ERBB4: variants seen among roughly 807,000 people sequenced by gnomAD.
ERBB4 encodes the protein erb-b2 receptor tyrosine kinase 4, also known as receptor tyrosine-protein kinase erbB-4.
In ERBB4, 42 loss-of-function variants were observed where a neutral mutation model predicts 158.0. The observed-to-expected ratio is 0.27, with a 90% CI of 0.21 to 0.34. The LOEUF is 0.34. Among genes scored for constraint, ERBB4 ranks in the 10% least tolerant of loss-of-function variants. The pLI is 1.00. For missense variants in ERBB4, 1,333 were observed against 1,624.1 expected, an observed-to-expected ratio of 0.82 and a Z score of 3.08; for synonymous variants, 583 against 558.7, an observed-to-expected ratio of 1.04 and a Z score of -0.61.
chr2:211,816,074 C>T (rs1170888254), intron 3 of ERBB4, among the ~76,000 whole-genome samples: 1 of 152,126 alleles, frequency 6.6e-6, no homozygotes, highest in Non-Finnish European at 1.5e-5. Flanking sequence ...CTTTCCCCAG[C>T]TTGCAGATGG....
chr2:212,478,992 G>A lies in ERBB4; in HGVS notation c.82+59457C>T, dbSNP rs184025645. Among the ~76,000 whole-genome samples the A allele has an allele frequency of 2.0e-5, 3 of 152,146 alleles. No individual in the cohort carries two copies. The East Asian group carries it at 5.8e-4, about 29-fold the overall frequency. On this transcript the variant is annotated intron_variant, in intron 1 of 27. Transcript: ENST00000342788. ...CTTACAGCATTGCTATGCTTTTGTT[G>A]TATCATTATTGCCCCACTGGGCACT...
rs113837745 is a variant in ERBB4, at chr2:212,334,727, C to T, written c.82+203722G>A. On this transcript the variant is annotated intron_variant, in intron 1 of 27. Transcript: ENST00000342788. ...ATGAATGAATGAACATAAAAAGCTACCTCTCAAGATTCATATTTATTAAAA... is the reference window on the plus strand; with the variant it reads ...ATGAATGAATGAACATAAAAAGCTATCTCTCAAGATTCATATTTATTAAAA... 4.6e-5 allele frequency among the ~76,000 whole-genome samples: 7 copies of T among 152,008 alleles called. 1 individual carries two copies. Among genetic ancestry groups the T allele is most frequent in the African/African-American group, 1.7e-4 (7 of 41,522 alleles).
Position 211,713,650 on chromosome 2 carries a change from T to TG in ERBB4, c.884-3dup. 2 of 1,522,974 alleles carry TG rather than the reference T, an allele frequency of 1.3e-6. No homozygotes were observed. The highest frequency in any genetic ancestry group is 1.8e-6 in the Non-Finnish European group (2 of 1,111,604). The allele number at this position is 1,522,974 out of a possible 1,614,324, so 94.3% of individuals were successfully genotyped here. On this transcript the variant is annotated splice_polypyrimidine_tract_variant and splice_region_variant and intron_variant, in intron 7 of 27. Transcript: ENST00000342788. ...AACTGGAATCTACCACAAAGTTATC[T>TG]GATTAAAAAAAAAAAAAAGGTAAAA...
At position 212,425,413 on chromosome 2, in the gene ERBB4, T is replaced by TAC. The variant is rs201032417; in HGVS notation, c.82+113035_82+113036insGT. 9.2e-3 allele frequency among the ~76,000 whole-genome samples: 1,092 copies of TAC among 118,100 alleles called. 10 individuals are homozygous for TAC. Among genetic ancestry groups the TAC allele is most frequent in the African/African-American group, 0.046 (1,031 of 22,240 alleles). 77.5% of individuals were successfully genotyped at this position (118,100 alleles called of 152,430 possible). On this transcript the variant is annotated intron_variant, in intron 1 of 27. Coordinates refer to ENST00000342788, the MANE Select transcript of ERBB4 (RefSeq NM_005235.3). ...ATGTATATGTATACATATATATGTA[T>TAC]ATACACACATATGTATCCTTATATA...
chr2:211,549,506 A>G (rs1453219869), intron 20 of ERBB4, among the ~76,000 whole-genome samples: 1 of 152,108 alleles, frequency 6.6e-6, no homozygotes, highest in Non-Finnish European at 1.5e-5. Context: ...AGGACTGAGT[A>G]GCATGAGTCA....
intron 2 of ERBB4, among the ~76,000 whole-genome samples, chr2:212,022,527 T>C (rs1033266543): frequency 1.3e-5 from 2 of 151,980 alleles, no homozygotes; most frequent in East Asian, 3.9e-4. Flanking sequence ...CACTGGGACC[T>C]GTCAGGGGAG....
intron 3 of ERBB4, among the ~76,000 whole-genome samples, chr2:211,791,262 T>C (rs1345230974): frequency 1.3e-5 from 2 of 151,938 alleles, no homozygotes; most frequent in East Asian, 1.9e-4. Context: ...TTTGTTTAGA[T>C]GTTTATCTAA....
At chr2:212,425,322 G>A (rs1269837179) in intron 1 of ERBB4, among the ~76,000 whole-genome samples, 1 of 115,432 alleles carries the variant, frequency 8.7e-6, no homozygotes, top group Non-Finnish European at 1.6e-5. Flanking sequence ...TATATGTGTT[G>A]GATAAATATA....
At chr2:211,502,368 G>A (rs2065638887) in intron 20 of ERBB4, among the ~76,000 whole-genome samples, 1 of 152,076 alleles carries the variant, frequency 6.6e-6, no homozygotes, top group Admixed American at 6.6e-5. Flanking sequence ...ATATTGAGTG[G>A]ATAACAGTTT....
At chr2:212,307,261 G>A (rs2086844395) in intron 1 of ERBB4, among the ~76,000 whole-genome samples, 2 of 151,104 alleles carry the variant, frequency 1.3e-5, no homozygotes, top group South Asian at 2.1e-4. Flanking sequence ...AATAGAGGAA[G>A]AAGAGATGAG....
intron 1 of ERBB4, among the ~76,000 whole-genome samples, chr2:212,127,863 T>C (rs2079990857): frequency 6.6e-6 from 1 of 151,448 alleles, no homozygotes; most frequent in South Asian, 2.1e-4. Context: ...AGCTAGAGAG[T>C]GGCAAGGAAG....
chr2:211,770,182 TG>T (rs1464556120), intron 4 of ERBB4, among the ~76,000 whole-genome samples: 3 of 152,240 alleles, frequency 2.0e-5, no homozygotes. Context: ...GATCACCAGA[TG>T]TCTCTTACTG....
intron 1 of ERBB4, among the ~76,000 whole-genome samples, chr2:212,419,008 G>A (rs138743601): frequency 8.2e-4 from 124 of 151,866 alleles, no homozygotes; most frequent in African/African-American, 2.8e-3. Context: ...ATTTTCATAC[G>A]TGTGAAAAGA....
chr2:211,675,468 G>C (rs1160904631), intron 13 of ERBB4, among the ~76,000 whole-genome samples: 1 of 151,890 alleles, frequency 6.6e-6, no homozygotes, highest in East Asian at 1.9e-4. Flanking sequence ...AAAAGACTTA[G>C]AAGGAGCTTA....
intron 1 of ERBB4, among the ~76,000 whole-genome samples, chr2:212,357,492 T>C (rs1183568618): frequency 6.6e-6 from 1 of 151,848 alleles, no homozygotes; most frequent in Non-Finnish European, 1.5e-5. Flanking sequence ...CAAAAGGTAA[T>C]TCAGCAGAAA....
chr2:212,360,698 G>A (rs983588156), intron 1 of ERBB4, among the ~76,000 whole-genome samples: 12 of 151,582 alleles, frequency 7.9e-5, no homozygotes, highest in Admixed American at 6.6e-4. Flanking sequence ...CAGAAAGCAT[G>A]GTGACTTTCA....
intron 1 of ERBB4, among the ~76,000 whole-genome samples, chr2:212,231,999 G>A (rs1439028644): frequency 6.6e-6 from 1 of 152,110 alleles, no homozygotes; most frequent in Non-Finnish European, 1.5e-5. Context: ...CTTCGCCTCA[G>A]ATGAAAGGCA....
At chr2:212,406,069 A>G (rs1251018589) in intron 1 of ERBB4, among the ~76,000 whole-genome samples, 1 of 152,118 alleles carries the variant, frequency 6.6e-6, no homozygotes, top group Non-Finnish European at 1.5e-5. Context: ...TACATTTCAC[A>G]ACATGAAAAA....
At chr2:211,988,401 G>A (rs553168012) in intron 2 of ERBB4, among the ~76,000 whole-genome samples, 2 of 152,198 alleles carry the variant, frequency 1.3e-5, no homozygotes, top group African/African-American at 4.8e-5. Context: ...AGGGTAAAAT[G>A]ATATAAGAAA....
Sources: allele counts gnomAD v4.1 joint callset (sites outside exome capture counted in the v4.1 genomes callset), GRCh38; gene constraint gnomAD v4.1.1; transcripts MANE v1.5; gene names NCBI Gene and HGNC (gene_info 2026-07-23, HGNC 2026-07-21).